TNS1: variants seen among roughly 807,000 people sequenced by gnomAD.
TNS1 encodes the protein tensin 1.
Under a neutral mutation model 168.6 loss-of-function variants are expected in TNS1, and 62 were observed. The ratio of observed to expected loss-of-function variants is 0.37; its 90% CI spans 0.30 to 0.45. The LOEUF is 0.45. TNS1 is among the 20% of genes least tolerant of loss of function. TNS1 has a pLI of 1.00. For synonymous variants in TNS1, 934 were observed against 933.2 expected (o/e 1.00, Z -0.02); for missense variants, 2,240 against 2,339.4 (o/e 0.96, Z 0.88).
chr2:217,832,221 C>A (rs867650850), intron 21 of TNS1, among the ~76,000 whole-genome samples: 1 of 152,210 alleles, frequency 6.6e-6, no homozygotes, highest in Non-Finnish European at 1.5e-5. Flanking sequence ...GAGGAGAAGC[C>A]TATAGTCTGT....
intron 1 of TNS1, among the ~76,000 whole-genome samples, chr2:218,021,401 G>A (rs1958805129): frequency 6.6e-6 from 1 of 152,194 alleles, no homozygotes; most frequent in Non-Finnish European, 1.5e-5. Context: ...TTGCCTAATA[G>A]CACCCCCAAG....
chr2:217,811,230 T>C (rs971642674), intron 28 of TNS1, among the ~76,000 whole-genome samples: 3 of 152,198 alleles, frequency 2.0e-5, no homozygotes, highest in Admixed American at 1.3e-4. Context: ...ACTGCCGGTC[T>C]AGGCCCATAC....
intron 3 of TNS1, among the ~76,000 whole-genome samples, chr2:217,950,934 TC>T (rs1235600515): frequency 1.3e-5 from 2 of 151,866 alleles, no homozygotes. Flanking sequence ...AGGGAAAATC[TC>T]CCCGTTGCTG....
chr2:218,008,526 A>T (rs1958679664), intron 1 of TNS1, among the ~76,000 whole-genome samples: 1 of 152,192 alleles, frequency 6.6e-6, no homozygotes, highest in South Asian at 2.1e-4. Flanking sequence ...AACCCAGTGG[A>T]ATGTGGACAG....
chr2:217,913,833 C>A (rs762046622), intron 4 of TNS1, among the ~76,000 whole-genome samples: 2 of 152,150 alleles, frequency 1.3e-5, no homozygotes, highest in African/African-American at 4.8e-5. Context: ...AGGCCTGTCA[C>A]GCTCATCCCT....
At chr2:217,939,253 G>A (rs898456106) in intron 3 of TNS1, among the ~76,000 whole-genome samples, 1 of 152,142 alleles carries the variant, frequency 6.6e-6, no homozygotes, top group African/African-American at 2.4e-5. Flanking sequence ...GTCATCATAA[G>A]TTGATCCCCA....
chr2:217,828,738 T>A (rs945987460), intron 22 of TNS1, among the ~76,000 whole-genome samples: 12 of 152,198 alleles, frequency 7.9e-5, no homozygotes, highest in Non-Finnish European at 4.4e-5. Flanking sequence ...ACATGCCAAC[T>A]CCTTGAAACT....
intron 2 of TNS1, among the ~76,000 whole-genome samples, chr2:217,988,508 G>A (rs1481175119): frequency 6.6e-6 from 1 of 152,216 alleles, no homozygotes; most frequent in Non-Finnish European, 1.5e-5. Flanking sequence ...TGGAGTGACG[G>A]GAAGACACTA....
At chr2:217,895,986 TAC>T (rs1472545279) in intron 8 of TNS1, among the ~76,000 whole-genome samples, 1 of 152,230 alleles carries the variant, frequency 6.6e-6, no homozygotes, top group East Asian at 1.9e-4. Context: ...TGTAAAGGAA[TAC>T]ACTTTATTAT....
chr2:217,938,456 C>T (rs1421001724), intron 3 of TNS1, among the ~76,000 whole-genome samples: 1 of 152,240 alleles, frequency 6.6e-6, no homozygotes, highest in Non-Finnish European at 1.5e-5. Flanking sequence ...GAAGAGTGGA[C>T]ATGGTTCTCC....
At chr2:217,830,892 G>A (rs1346190286) in intron 22 of TNS1, among the ~76,000 whole-genome samples, 1 of 152,076 alleles carries the variant, frequency 6.6e-6, no homozygotes, top group African/African-American at 2.4e-5. Flanking sequence ...CTAGTCATGG[G>A]TTTCTCTGGT....
chr2:218,030,796 A>T (rs577654100), intron 1 of TNS1, among the ~76,000 whole-genome samples: 1 of 152,340 alleles, frequency 6.6e-6, no homozygotes, highest in South Asian at 2.1e-4. Flanking sequence ...TCAGGGCTAT[A>T]GTGGGGCTTG....
In TNS1 at chr2:217,809,572, GATGGATAGGTGC is replaced by G. The variant is rs1156723582; in HGVS notation, c.5273+239_5273+250del. 154 of 285,420 alleles carry G rather than the reference GATGGATAGGTGC, an allele frequency of 5.4e-4. 19 individuals carry two copies. The highest frequency in any genetic ancestry group is 1.2e-3 in the Admixed American group (23 of 18,842). The allele number at this position is 285,420 out of a possible 1,614,324, so 17.7% of individuals were successfully genotyped here. A position where few individuals can be genotyped will look rare whatever the true frequency, so the allele number is the denominator to read the frequency against. On this transcript the variant is annotated intron_variant, in intron 30 of 32. Transcript: ENST00000682258. ...GGATGGATGGATGGATGGATGGATG[GATGGATAGGTGC>G]ATGGATGGATGGATGGATGGATGGA...
rs764046373 is a variant in TNS1 at position 217,878,606 on chromosome 2, G to A, written c.1429+2292C>T. Among the ~76,000 whole-genome samples the A allele has an allele frequency of 1.6e-4, 25 of 152,232 alleles. 1 individual carries two copies. The highest frequency in any genetic ancestry group is 8.3e-4 in the South Asian group (4 of 4,810). On this transcript the variant is annotated intron_variant, in intron 18 of 32. Transcript: ENST00000682258. ...TCTCCCTTAGCCATGTCTTGCAGGC[G>A]CCTGACACACTGGCCACAGCTGACA...
rs545887028 is a variant in TNS1 at position 217,813,055 on chromosome 2, G to A, written c.4954+160C>T. ...TTGGCAGAGTTAGGAGCCGCACTGC[G>A]GAGGGAGAGAAGCTTTCATTCATTT... On this transcript the variant is annotated intron_variant, in intron 27 of 32. Coordinates refer to ENST00000682258, the MANE Select transcript of TNS1 (RefSeq NM_001387777.1). This position sits in a 1 kb window ranked among gnomAD's most constrained non-coding sequence, Gnocchi z 4.0. Among the ~76,000 whole-genome samples the A allele has an allele frequency of 1.6e-4, 24 of 152,330 alleles. No homozygotes were observed. The highest frequency in any genetic ancestry group is 1.1e-3 in the Admixed American group (17 of 15,306).
intron 3 of TNS1, among the ~76,000 whole-genome samples, chr2:217,923,602 C>T (rs1231131274): frequency 2.6e-5 from 4 of 152,182 alleles, no homozygotes; most frequent in South Asian, 2.1e-4. Flanking sequence ...CACACATCCA[C>T]GGAGCCATCC....
intron 12 of TNS1, 46 bp downstream of exon 12, chr2:217,890,916 T>C (rs1451197905): frequency 6.3e-7 from 1 of 1,586,750 alleles, no homozygotes; most frequent in East Asian, 2.2e-5. Flanking sequence ...CCACATAGAG[T>C]GAGTGCACAC....
At chr2:217,944,612 A>T (rs938080516) in intron 3 of TNS1, among the ~76,000 whole-genome samples, 2 of 152,206 alleles carry the variant, frequency 1.3e-5, no homozygotes, top group African/African-American at 2.4e-5. Flanking sequence ...CAAATGTGAG[A>T]TAGTAATCTC....
chr2:217,976,056 C>T (rs1957886646), intron 3 of TNS1, among the ~76,000 whole-genome samples: 2 of 152,326 alleles, frequency 1.3e-5, no homozygotes, highest in African/African-American at 4.8e-5. Context: ...TCCTCCCCCA[C>T]ATCATCATCT....
Sources: allele counts gnomAD v4.1 joint callset (sites outside exome capture counted in the v4.1 genomes callset), GRCh38; gene constraint gnomAD v4.1.1; non-coding constraint Gnocchi (gnomAD v3.1); transcripts MANE v1.5; gene names NCBI Gene and HGNC (gene_info 2026-07-23, HGNC 2026-07-21).